CLUL1: variants seen among roughly 807,000 people sequenced by gnomAD.
CLUL1 encodes the protein clusterin-like protein 1.
CLUL1 carries 43 observed loss-of-function variants against 49.4 expected under a neutral mutation model. That is an observed-to-expected ratio of 0.87 (90% CI 0.68 to 1.12). CLUL1 has a LOEUF of 1.12. Among genes scored for constraint, CLUL1 ranks in the 50% most tolerant of loss-of-function variants. CLUL1 has a pLI of 0.00. For missense variants in CLUL1, 486 were observed against 544.4 expected, an observed-to-expected ratio of 0.89 and a Z score of 1.07; for synonymous variants, 192 against 184.9, an observed-to-expected ratio of 1.04 and a Z score of -0.31.
rs999712753 is a variant in CLUL1, at chr18:607,063, C to T, written c.-50C>T. The T allele has an allele frequency of 3.8e-4, 268 of 701,644 alleles. 1 individual carries two copies. The highest frequency in any genetic ancestry group is 1.2e-4 in the Admixed American group (6 of 49,950). The allele number at this position is 701,644 out of a possible 1,614,324, so 43.5% of individuals were successfully genotyped here. A position where few individuals can be genotyped will look rare whatever the true frequency, so the allele number is the denominator to read the frequency against. On this transcript the variant is annotated 5_prime_UTR_variant, in exon 2 of 10. Coordinates refer to ENST00000692774, the MANE Select transcript of CLUL1 (RefSeq NM_001393344.1). Reference sequence around the variant, plus strand: ...CCTCAAATTCCTGGGTTCAAGTGACCCTCCTACCTCAGCCCCATGAGGACC... The same window carrying T: ...CCTCAAATTCCTGGGTTCAAGTGACTCTCCTACCTCAGCCCCATGAGGACC...
chr18:637,942 G>A (rs926812826), intron 7 of CLUL1, among the ~76,000 whole-genome samples: 7 of 151,768 alleles, frequency 4.6e-5, no homozygotes, highest in African/African-American at 1.7e-4. Flanking sequence ...CCTCCAGCCT[G>A]GGCCTCAGAG....
intron 1 of CLUL1, among the ~76,000 whole-genome samples, chr18:599,632 A>T (rs2072763050): frequency 1.3e-5 from 2 of 152,152 alleles, no homozygotes; most frequent in South Asian, 4.2e-4. Flanking sequence ...TGTCATAAAG[A>T]TAAAAATTAA....
At chr18:609,325 A>T (rs1019554571) in intron 2 of CLUL1, among the ~76,000 whole-genome samples, 3 of 152,206 alleles carry the variant, frequency 2.0e-5, no homozygotes, top group Non-Finnish European at 2.9e-5. Flanking sequence ...TCTTACACTT[A>T]TTCACACAAG....
At chr18:622,681 C>T (rs143372955) in intron 4 of CLUL1, among the ~76,000 whole-genome samples, 1 of 152,090 alleles carries the variant, frequency 6.6e-6, no homozygotes, top group African/African-American at 2.4e-5. Flanking sequence ...TGCTTCTGGG[C>T]AGTGAATGGA....
rs757925386 is a variant in CLUL1, at chr18:627,399, T to C, written c.726T>C (p.Leu242=). Residue 242 remains leucine, a synonymous_variant, in exon 6 of 10, where the codon CTT becomes CTC. Coordinates refer to ENST00000692774, the MANE Select transcript of CLUL1 (RefSeq NM_001393344.1). ...AAGAGCCGATGACAAAAGCAGATCTTGAGCAATGTTGGGACATTCCCAACT... is the reference window on the plus strand; with the variant it reads ...AAGAGCCGATGACAAAAGCAGATCTCGAGCAATGTTGGGACATTCCCAACT... ...FSKEPMTKAD[L]EQCWDIPNFF... 2.5e-6 allele frequency: 4 copies of C among 1,614,174 alleles called. No individual in the cohort carries two copies. The highest frequency in any genetic ancestry group is 3.4e-6 in the Non-Finnish European group (4 of 1,180,012).
In CLUL1 at chr18:630,861, A is replaced by AT. The variant is rs59357214; in HGVS notation, c.857-2424dup. ...GCCACCACGCCCAGCTAATTTTTGC[A>AT]TTTTTTTTTTTTTGAGACAGATGAC... On this transcript the variant is annotated intron_variant, in intron 6 of 9. Transcript: ENST00000692774. 7.8e-3 allele frequency among the ~76,000 whole-genome samples: 1,103 copies of AT among 140,716 alleles called. 10 individuals carry two copies. Among genetic ancestry groups the AT allele is most frequent in the African/African-American group, 0.023 (889 of 38,440 alleles). The allele number at this position is 140,716 out of a possible 152,430, so 92.3% of individuals were successfully genotyped here.
rs974257682 is a variant in CLUL1 at position 632,166 on chromosome 18, A to G, written c.857-1132A>G. Among the ~76,000 whole-genome samples, 17 of 152,190 alleles carry G rather than the reference A, an allele frequency of 1.1e-4. 1 individual carries two copies. Among genetic ancestry groups the G allele is most frequent in the Admixed American group, 9.2e-4 (14 of 15,282 alleles). On this transcript the variant is annotated intron_variant, in intron 6 of 9. Coordinates refer to ENST00000692774, the MANE Select transcript of CLUL1 (RefSeq NM_001393344.1). Reference sequence around the variant, plus strand: ...TTGGGAACCGCCAATTTTCTGTTGGATAGACTTCTCTTTTACACATTTTTA... The same window carrying G: ...TTGGGAACCGCCAATTTTCTGTTGGGTAGACTTCTCTTTTACACATTTTTA...
chr18:638,263 T>G (rs1341555361), intron 7 of CLUL1, among the ~76,000 whole-genome samples: 1 of 152,222 alleles, frequency 6.6e-6, no homozygotes, highest in Non-Finnish European at 1.5e-5. Context: ...CTTACAAAAA[T>G]AGTCCTGCTC....
At chr18:626,444 G>A (rs1247944692) in intron 5 of CLUL1, among the ~76,000 whole-genome samples, 1 of 152,094 alleles carries the variant, frequency 6.6e-6, no homozygotes. Flanking sequence ...ATAGGCAAAG[G>A]CAAAGTCAGG....
At position 618,874 on chromosome 18, in the gene CLUL1, A is replaced by T. The variant is rs2073389374; in HGVS notation, c.107-339A>T. 6.6e-6 allele frequency among the ~76,000 whole-genome samples: 1 copy of T among 152,184 alleles called. No individual in the cohort carries two copies. Among genetic ancestry groups the T allele is most frequent in the African/African-American group, 2.4e-5 (1 of 41,444 alleles). On this transcript the variant is annotated intron_variant, in intron 3 of 9. Transcript: ENST00000692774. This position sits in a 1 kb window ranked among gnomAD's most constrained non-coding sequence, Gnocchi z 4.2. Reference sequence around the variant, plus strand: ...CCCAGCTGGGCACTTAATATAAATTATGAAGAAAATGCAAAATTTTCTCTA... The same window carrying T: ...CCCAGCTGGGCACTTAATATAAATTTTGAAGAAAATGCAAAATTTTCTCTA...
At chr18:646,553 A>G (rs1312942800) in intron 9 of CLUL1, among the ~76,000 whole-genome samples, 4 of 150,850 alleles carry the variant, frequency 2.7e-5, no homozygotes, top group Non-Finnish European at 4.4e-5. Flanking sequence ...AAAGCAAGGC[A>G]AGATTTAGAG....
At chr18:603,161 G>C (rs1228083349) in intron 1 of CLUL1, among the ~76,000 whole-genome samples, 1 of 152,164 alleles carries the variant, frequency 6.6e-6, no homozygotes, top group Non-Finnish European at 1.5e-5. Context: ...GCCAGGACCA[G>C]CTACACTGGC....
At chr18:614,311 A>G (rs1315960586) in intron 2 of CLUL1, among the ~76,000 whole-genome samples, 3 of 134,842 alleles carry the variant, frequency 2.2e-5, no homozygotes, top group African/African-American at 8.0e-5. Context: ...GGGAGGAAGG[A>G]AGGGAGGGAG....
chr18:611,988 C>T (rs1334640299), intron 2 of CLUL1, among the ~76,000 whole-genome samples: 2 of 152,160 alleles, frequency 1.3e-5, no homozygotes, highest in Admixed American at 1.3e-4. Flanking sequence ...CCAGCAGCCA[C>T]CTTTGATTCT....
chr18:617,737 T>G (rs185097213), intron 2 of CLUL1, among the ~76,000 whole-genome samples: 147 of 151,912 alleles, frequency 9.7e-4, no homozygotes, highest in Middle Eastern at 3.4e-3. Context: ...GCATTGAGTT[T>G]CAAGTACTTC....
chr18:610,454 G>A (rs2073101180), intron 2 of CLUL1, among the ~76,000 whole-genome samples: 1 of 152,100 alleles, frequency 6.6e-6, no homozygotes, highest in South Asian at 2.1e-4. Context: ...GAGCTTAGGG[G>A]AAAAAGCTGG....
chr18:604,109 G>T (rs976000020), intron 1 of CLUL1, among the ~76,000 whole-genome samples: 1 of 152,190 alleles, frequency 6.6e-6, no homozygotes, highest in Middle Eastern at 3.2e-3. Flanking sequence ...TAGAACTCCT[G>T]GGCTCAAGTG....
chr18:646,249 C>A (rs2074503669), intron 9 of CLUL1, among the ~76,000 whole-genome samples: 1 of 151,868 alleles, frequency 6.6e-6, no homozygotes, highest in Non-Finnish European at 1.5e-5. Context: ...TTCATGAGAC[C>A]TTGTTAGTAG....
At chr18:625,456 A>C (rs1315526265) in intron 5 of CLUL1, among the ~76,000 whole-genome samples, 1 of 151,944 alleles carries the variant, frequency 6.6e-6, no homozygotes, top group Non-Finnish European at 1.5e-5. Context: ...TGGAGGCCAA[A>C]TATTTAAAGA....
Sources: gnomAD v4.1 joint callset for allele counts (sites outside exome capture counted in the v4.1 genomes callset) on GRCh38, gnomAD v4.1.1 for gene constraint, Gnocchi (gnomAD v3.1) non-coding constraint, MANE v1.5 for transcripts, NCBI Gene and HGNC (gene_info 2026-07-23, HGNC 2026-07-21) for gene names.